MEGF6: variants seen among roughly 807,000 people sequenced by gnomAD.
MEGF6 encodes the protein multiple epidermal growth factor-like domains protein 6.
In MEGF6, 184 loss-of-function variants were observed where a neutral mutation model predicts 207.1. That is an observed-to-expected ratio of 0.89 (90% confidence interval 0.79 to 1.00). The LOEUF (loss-of-function observed/expected upper bound fraction) is 1.00. MEGF6 is among the 50% of genes least tolerant of loss of function. The pLI is 0.00. For synonymous variants in MEGF6, 1,038 were observed against 910.0 expected, an observed-to-expected ratio of 1.14 and a Z score of -2.53; for missense variants, 2,282 against 2,202.9, an observed-to-expected ratio of 1.04 and a Z score of -0.72.
In MEGF6 at chr1:3,524,113, G is replaced by A. The variant is rs1204012681; in HGVS notation, c.604+11C>T. The stretch of plus-strand genomic sequence containing the variant: ...CCAGGAGCCCAGGCAGGGTCTCCAG[G>A]CGACACTCACCCAGGCAGGTCCTGC... On this transcript the variant is annotated intron_variant, in intron 5 of 36. Transcript: ENST00000356575. The A allele has an allele frequency of 6.2e-7, 1 of 1,610,260 alleles. No individual in the cohort carries two copies. The highest frequency in any genetic ancestry group is 1.7e-5 in the Admixed American group (1 of 59,880).
In MEGF6 at chr1:3,572,171, C is replaced by T. The variant is rs538234591; in HGVS notation, c.481+7654G>A. 1.2e-3 allele frequency among the ~76,000 whole-genome samples: 174 copies of T among 140,872 alleles called. 1 individual carries two copies. Among genetic ancestry groups the T allele is most frequent in the African/African-American group, 4.4e-3 (160 of 36,684 alleles). The allele number at this position is 140,872 out of a possible 152,430, so 92.4% of individuals were successfully genotyped here. A position where few individuals can be genotyped will look rare whatever the true frequency, so the allele number is the denominator to read the frequency against. On this transcript the variant is annotated intron_variant, in intron 4 of 36. Transcript: ENST00000356575. ...GTTCTCTCAGGTGTGCTGGGTCCTCCTGGGTGTGCTGGGTCCTCCTGGGTG... is the reference window on the plus strand; with the variant it reads ...GTTCTCTCAGGTGTGCTGGGTCCTCTTGGGTGTGCTGGGTCCTCCTGGGTG...
At position 3,508,652 on chromosome 1, in the gene MEGF6, C is replaced by A; in HGVS notation, c.1566G>T (p.Leu522Phe). The A allele has an allele frequency of 6.2e-7, 1 of 1,613,508 alleles. No homozygotes were observed. The highest frequency in any genetic ancestry group is 8.5e-7 in the Non-Finnish European group (1 of 1,179,970). Residue 522 changes from leucine (L) to phenylalanine (F), a missense_variant, in exon 13 of 37, where the codon TTG becomes TTT. By Grantham distance (22) the Leu-to-Phe change is conservative. Coordinates refer to ENST00000356575, the MANE Select transcript of MEGF6 (RefSeq NM_001409.4). Reference sequence around the variant, plus strand: ...CTCCGTTCCTGCAGTCATCACAGGTCAAGCTGCAGTCATGGCCAAAGGAGT... The same window carrying A: ...CTCCGTTCCTGCAGTCATCACAGGTAAAGCTGCAGTCATGGCCAAAGGAGT... Reference protein sequence around the residue: ...LDDSFGHDCSLTCDDCRNGGT... With the variant: ...LDDSFGHDCSFTCDDCRNGGT...
At chr1:3,541,221 G>A (rs1174497912) in intron 4 of MEGF6, among the ~76,000 whole-genome samples, 1 of 152,242 alleles carries the variant, frequency 6.6e-6, no homozygotes, top group Non-Finnish European at 1.5e-5. Context: ...CCTCAGCACT[G>A]AGCGTCACAG....
intron 1 of MEGF6, among the ~76,000 whole-genome samples, chr1:3,606,924 G>C (rs1211554167): frequency 6.6e-6 from 1 of 152,116 alleles, no homozygotes; most frequent in African/African-American, 2.4e-5. Flanking sequence ...GACACAGAGA[G>C]GGCAGAGCTG....
At chr1:3,581,689 G>T (rs1643801575) in intron 3 of MEGF6, among the ~76,000 whole-genome samples, 1 of 152,196 alleles carries the variant, frequency 6.6e-6, no homozygotes, top group African/African-American at 2.4e-5. Context: ...ACCCCCGGGT[G>T]GGGAGCAGGT....
At chr1:3,552,235 C>A (rs1332950910) in intron 4 of MEGF6, among the ~76,000 whole-genome samples, 2 of 152,256 alleles carry the variant, frequency 1.3e-5, no homozygotes, top group Non-Finnish European at 2.9e-5. Flanking sequence ...TCAACCCCGC[C>A]CACCAGGGCC....
Position 3,573,082 on chromosome 1 carries a change from C to G in MEGF6, c.481+6743G>C, listed in dbSNP as rs960487472. Among the ~76,000 whole-genome samples the G allele has an allele frequency of 2.2e-5, 3 of 137,682 alleles. No individual in the cohort carries two copies. The highest frequency in any genetic ancestry group is 8.3e-5 in the African/African-American group (3 of 35,956). The allele number at this position is 137,682 out of a possible 152,430, so 90.3% of individuals were successfully genotyped here. A position where few individuals can be genotyped will look rare whatever the true frequency, so the allele number is the denominator to read the frequency against. On this transcript the variant is annotated intron_variant, in intron 4 of 36. Transcript: ENST00000356575. The surrounding 1 kb of genome is among the most constrained non-coding windows in gnomAD (Gnocchi z 5.1). ...TCCTCCCTGGTGGGCTGGGTTCCCTCAGGTGTGCTGGGTCCTTCCTGGTAT... is the reference window on the plus strand; with the variant it reads ...TCCTCCCTGGTGGGCTGGGTTCCCTGAGGTGTGCTGGGTCCTTCCTGGTAT...
upstream of MEGF6, among the ~76,000 whole-genome samples, chr1:3,615,422 GCTTC>G (rs1435594903): frequency 6.6e-6 from 1 of 152,194 alleles, no homozygotes. Context: ...GCTTCCCATG[GCTTC>G]AGAGACCTGT....
chr1:3,579,764 T>G, intron 4 of MEGF6, 61 bp downstream of exon 4: 1 of 1,264,634 alleles, frequency 7.9e-7, no homozygotes, highest in Non-Finnish European at 1.0e-6. Flanking sequence ...CGACACATCC[T>G]CGCCCCTTGC....
At chr1:3,622,488 G>T in the MEGF6 span, among the ~76,000 whole-genome samples, 41 of 152,214 alleles carry the variant, frequency 2.7e-4, no homozygotes, top group South Asian at 2.3e-3. Flanking sequence ...ATAGCAGTGG[G>T]AAAACAAACA....
At position 3,489,566 on chromosome 1, in the gene MEGF6, T is replaced by C. The variant is rs1373229124; in HGVS notation, c.*962A>G. 1.3e-5 allele frequency among the ~76,000 whole-genome samples: 2 copies of C among 152,120 alleles called. No homozygotes were observed. Among genetic ancestry groups the C allele is most frequent in the African/African-American group, 4.8e-5 (2 of 41,424 alleles). ...TCCTCACCCAGGGAGTCCCTGCCCC[T>C]GCGATGCTGCCCTCCCCCCACTGCT... is the stretch of plus-strand genomic sequence containing the variant. On this transcript the variant is annotated 3_prime_UTR_variant, in exon 37 of 37. Transcript: ENST00000356575.
intron 16 of MEGF6, 26 bp downstream of exon 16, chr1:3,505,396 C>CT (rs1553192346): frequency 2.2e-5 from 35 of 1,600,064 alleles, no homozygotes; most frequent in Non-Finnish European, 2.8e-5. Flanking sequence ...GCGCCCCCCG[C>CT]CCCCAGACCC....
At chr1:3,504,539 A>T (rs1641031268) in intron 17 of MEGF6, among the ~76,000 whole-genome samples, 1 of 151,788 alleles carries the variant, frequency 6.6e-6, no homozygotes, top group South Asian at 2.1e-4. Context: ...CCACCTTCCC[A>T]GCCCTCTTGG....
At position 3,572,154 on chromosome 1, in the gene MEGF6, A is replaced by AGGTGTGCTGGGTCCTCCTG. The variant is rs1557785408; in HGVS notation, c.481+7652_481+7670dup. Among the ~76,000 whole-genome samples the AGGTGTGCTGGGTCCTCCTG allele has an allele frequency of 4.2e-4, 30 of 71,616 alleles. 1 individual carries two copies. The highest frequency in any genetic ancestry group is 3.9e-3 in the Admixed American group (23 of 5,830). 47.0% of individuals were successfully genotyped at this position (71,616 alleles called of 152,430 possible). Reference sequence around the variant, plus strand: ...TCTCCCAGCTATGCTGGGTTCTCTCAGGTGTGCTGGGTCCTCCTGGGTGTG... The same window carrying AGGTGTGCTGGGTCCTCCTG: ...TCTCCCAGCTATGCTGGGTTCTCTCAGGTGTGCTGGGTCCTCCTGGGTGTGCTGGGTCCTCCTGGGTGTG... On this transcript the variant is annotated intron_variant, in intron 4 of 36. Transcript: ENST00000356575.
chr1:3,517,098 A>G (rs570211894), intron 5 of MEGF6, among the ~76,000 whole-genome samples: 1 of 152,280 alleles, frequency 6.6e-6, no homozygotes, highest in African/African-American at 2.4e-5. Context: ...CCGCCTTCCC[A>G]GGGGCCCTGT....
At chr1:3,517,246 A>G (rs1641576032) in intron 5 of MEGF6, among the ~76,000 whole-genome samples, 1 of 152,232 alleles carries the variant, frequency 6.6e-6, no homozygotes, top group Non-Finnish European at 1.5e-5. Flanking sequence ...TCCAGGCGCC[A>G]CAAGGGCCCA....
chr1:3,592,300 A>C (rs1643992588), intron 3 of MEGF6, among the ~76,000 whole-genome samples: 1 of 152,102 alleles, frequency 6.6e-6, no homozygotes, highest in African/African-American at 2.4e-5. Context: ...GGGAGGTCCA[A>C]AAGCCTTGGC....
At chr1:3,579,777 A>C in intron 4 of MEGF6, 48 bp downstream of exon 4, 1 of 1,358,562 alleles carries the variant, frequency 7.4e-7, no homozygotes, top group South Asian at 1.7e-5. Flanking sequence ...CCCCTTGCCC[A>C]CAGGCTGGCC....
chr1:3,556,782 G>A lies in MEGF6; in HGVS notation c.481+23043C>T, dbSNP rs764277567. On this transcript the variant is annotated intron_variant, in intron 4 of 36. Transcript: ENST00000356575. The surrounding 1 kb of genome is among the most constrained non-coding windows in gnomAD (Gnocchi z 4.4). ...AAACACAAGGATGCAGGTACTTCAC[G>A]TCCCTGTCCCAACCACACGCGCTCA... is the stretch of plus-strand genomic sequence containing the variant. Among the ~76,000 whole-genome samples, 6 of 152,144 alleles carry A rather than the reference G, an allele frequency of 3.9e-5. No homozygotes were observed. Among genetic ancestry groups the A allele is most frequent in the Non-Finnish European group, 7.4e-5 (5 of 68,024 alleles).
Sources: gnomAD v4.1 joint callset for allele counts (sites outside exome capture counted in the v4.1 genomes callset) on GRCh38, gnomAD v4.1.1 for gene constraint, Gnocchi (gnomAD v3.1) non-coding constraint, MANE v1.5 for transcripts, NCBI Gene and HGNC (gene_info 2026-07-23, HGNC 2026-07-21) for gene names.